The following EXOC4 variants were observed in gnomAD, a reference collection of about 807,000 sequenced individuals.
EXOC4 encodes the protein SEC8-like 1.
EXOC4 carries 71 observed loss-of-function variants against 107.2 expected under a neutral mutation model. That is an observed-to-expected ratio of 0.66 (90% confidence interval 0.55 to 0.81). The LOEUF is 0.81. Ranked by LOEUF, EXOC4 falls within the 30% of genes least tolerant of loss-of-function variation. The pLI, the probability that EXOC4 is intolerant of heterozygous loss-of-function variation, is 0.00. For synonymous variants in EXOC4, 456 were observed against 441.2 expected (o/e 1.03, Z -0.42); for missense variants, 1,108 against 1,189.6 (o/e 0.93, Z 1.01).
In EXOC4 at chr7:133,497,665, G is replaced by A. The variant is rs140196123; in HGVS notation, c.1417+17527G>A. Among the ~76,000 whole-genome samples the A allele has an allele frequency of 2.0e-4, 30 of 152,164 alleles. No individual in the cohort carries two copies. The East Asian group carries it at 5.0e-3, about 26-fold the overall frequency. On this transcript the variant is annotated intron_variant, in intron 9 of 17. Transcript: ENST00000253861. ...AGGCTGGTCTCAAACCCCTGACCTC[G>A]TGTTCCGCCCACCTCAGCCTCCCAA...
At chr7:133,668,791 G>C (rs1168725194) in intron 10 of EXOC4, among the ~76,000 whole-genome samples, 2 of 152,126 alleles carry the variant, frequency 1.3e-5, no homozygotes, top group Non-Finnish European at 2.9e-5. Flanking sequence ...CCCGAGTTAT[G>C]GTTCCAAGGA....
At chr7:133,734,164 C>A (rs1359100260) in intron 10 of EXOC4, among the ~76,000 whole-genome samples, 3 of 152,188 alleles carry the variant, frequency 2.0e-5, no homozygotes, top group Non-Finnish European at 4.4e-5. Flanking sequence ...TGTTTGTTAT[C>A]CACAGGAGAG....
At chr7:133,522,171 C>T (rs1799993323) in intron 9 of EXOC4, among the ~76,000 whole-genome samples, 1 of 151,978 alleles carries the variant, frequency 6.6e-6, no homozygotes, top group South Asian at 2.1e-4. Context: ...ACAAACAAAC[C>T]CCTGAACTAC....
At chr7:133,597,495 G>C (rs930165935) in intron 9 of EXOC4, among the ~76,000 whole-genome samples, 1 of 150,008 alleles carries the variant, frequency 6.7e-6, no homozygotes, top group African/African-American at 2.5e-5. Context: ...CGGAGATTGC[G>C]GTGAGCTGAG....
intron 14 of EXOC4, among the ~76,000 whole-genome samples, chr7:133,967,946 A>G (rs544027026): frequency 9.2e-5 from 14 of 152,112 alleles, no homozygotes; most frequent in Admixed American, 9.2e-4. Flanking sequence ...GTCTCCCACT[A>G]TTATTGTGTG....
At chr7:134,041,066 C>T (rs1490501474) in intron 17 of EXOC4, among the ~76,000 whole-genome samples, 1 of 152,158 alleles carries the variant, frequency 6.6e-6, no homozygotes, top group Non-Finnish European at 1.5e-5. Context: ...CATATAGCCT[C>T]CTCTCCCCAT....
At chr7:133,446,709 C>T (rs922518617) in intron 7 of EXOC4, among the ~76,000 whole-genome samples, 22 of 152,196 alleles carry the variant, frequency 1.4e-4, no homozygotes, top group African/African-American at 5.3e-4. Flanking sequence ...GTATCAAAAA[C>T]TGATAATCCT....
intron 11 of EXOC4, among the ~76,000 whole-genome samples, chr7:133,874,045 C>T (rs1485875974): frequency 6.6e-6 from 1 of 152,128 alleles, no homozygotes; most frequent in Non-Finnish European, 1.5e-5. Flanking sequence ...TAACTAAAAT[C>T]TAGGAAATAT....
At chr7:134,055,988 A>G (rs569223888) in intron 17 of EXOC4, among the ~76,000 whole-genome samples, 1 of 152,200 alleles carries the variant, frequency 6.6e-6, no homozygotes, top group African/African-American at 2.4e-5. Context: ...AAAAATTAAT[A>G]ATGTGATTTT....
Position 134,046,806 on chromosome 7 carries a change from C to A in EXOC4, c.2688-17485C>A, listed in dbSNP as rs978916281. On this transcript the variant is annotated intron_variant, in intron 17 of 17. Transcript: ENST00000253861. ...TGTCCCCAGCTGTCCTTCTAAACAC[C>A]AGCAAGCTCTCAGCACAGGTCATTA... Among the ~76,000 whole-genome samples, 3 of 152,232 alleles carry A rather than the reference C, an allele frequency of 2.0e-5. No individual in the cohort carries two copies. In the South Asian group the frequency reaches 6.2e-4, roughly 32 times the overall value.
chr7:133,531,032 G>C (rs1026323501), intron 9 of EXOC4, among the ~76,000 whole-genome samples: 2 of 152,026 alleles, frequency 1.3e-5, no homozygotes, highest in Admixed American at 6.6e-5. Flanking sequence ...AGGACTTAAC[G>C]GAGGCTAAAA....
At chr7:133,592,259 T>A (rs1563119642) in intron 9 of EXOC4, among the ~76,000 whole-genome samples, 1 of 151,944 alleles carries the variant, frequency 6.6e-6, no homozygotes, top group Non-Finnish European at 1.5e-5. Context: ...ATAGATGGGG[T>A]CTTGCCATGT....
intron 3 of EXOC4, among the ~76,000 whole-genome samples, chr7:133,303,456 T>C (rs567136481): frequency 2.3e-4 from 35 of 152,180 alleles, no homozygotes; most frequent in African/African-American, 8.2e-4. Flanking sequence ...AAAAGATAAA[T>C]GTTAGGTTTC....
intron 12 of EXOC4, among the ~76,000 whole-genome samples, chr7:133,916,159 C>T (rs1161262157): frequency 1.3e-5 from 2 of 152,184 alleles, no homozygotes; most frequent in Non-Finnish European, 2.9e-5. Context: ...GTTAGTTTCT[C>T]GTAAGGAGCA....
At chr7:133,676,564 A>G (rs923512595) in intron 10 of EXOC4, among the ~76,000 whole-genome samples, 1 of 152,144 alleles carries the variant, frequency 6.6e-6, no homozygotes, top group Non-Finnish European at 1.5e-5. Context: ...AGGACTGAAG[A>G]CAGTAATTGT....
chr7:133,476,906 C>T (rs191892155), intron 8 of EXOC4, among the ~76,000 whole-genome samples: 4 of 152,206 alleles, frequency 2.6e-5, no homozygotes, highest in African/African-American at 7.2e-5. Context: ...TTTTCTATTG[C>T]GATCACGAGG....
chr7:133,628,390 A>G (rs1401154327), intron 9 of EXOC4, among the ~76,000 whole-genome samples: 1 of 152,168 alleles, frequency 6.6e-6, no homozygotes. Context: ...CTTACACCAG[A>G]CACCACTGAA....
At chr7:133,887,151 G>C (rs554487249) in intron 11 of EXOC4, among the ~76,000 whole-genome samples, 2 of 152,274 alleles carry the variant, frequency 1.3e-5, no homozygotes, top group South Asian at 4.2e-4. Flanking sequence ...AGAGGTGTTC[G>C]CAGTCATCCC....
intron 7 of EXOC4, among the ~76,000 whole-genome samples, chr7:133,425,569 G>A (rs1041895941): frequency 6.6e-6 from 1 of 152,136 alleles, no homozygotes; most frequent in Admixed American, 6.5e-5. Context: ...TTACAGGCGT[G>A]AGCCACCACG....
Sources: allele counts gnomAD v4.1 joint callset (sites outside exome capture counted in the v4.1 genomes callset), GRCh38; gene constraint gnomAD v4.1.1; transcripts MANE v1.5; gene names NCBI Gene and HGNC (gene_info 2026-07-23, HGNC 2026-07-21).